The following ST6GALNAC3 variants were observed in gnomAD, a reference collection of about 807,000 sequenced individuals.
The protein encoded by ST6GALNAC3 is ST6 N-acetylgalactosaminide alpha-2,6-sialyltransferase 3.
ST6GALNAC3 carries 25 observed loss-of-function variants against 32.7 expected under a neutral mutation model. That is an observed-to-expected ratio of 0.76 (90% CI 0.56 to 1.07). The LOEUF (loss-of-function observed/expected upper bound fraction) is 1.07. Among genes scored for constraint, ST6GALNAC3 ranks in the 50% least tolerant of loss-of-function variants. The probability of loss-of-function intolerance (pLI) is 0.00; values close to 1 mark genes in which losing one functional copy is unlikely to be tolerated. For synonymous variants in ST6GALNAC3, 129 were observed against 133.1 expected, an observed-to-expected ratio of 0.97 and a Z score of 0.21; for missense variants, 355 against 382.4, an observed-to-expected ratio of 0.93 and a Z score of 0.60.
At chr1:76,403,297 T>C (rs1299337838) in intron 2 of ST6GALNAC3, among the ~76,000 whole-genome samples, 1 of 152,130 alleles carries the variant, frequency 6.6e-6, no homozygotes, top group East Asian at 1.9e-4. Flanking sequence ...ACTCTCCATT[T>C]GCTCTTCAAA....
intron 1 of ST6GALNAC3, among the ~76,000 whole-genome samples, chr1:76,243,813 G>A (rs1376921967): frequency 2.6e-5 from 4 of 151,244 alleles, no homozygotes; most frequent in East Asian, 1.9e-4. Context: ...TGGTCTATTC[G>A]ATTTGGTACC....
intron 2 of ST6GALNAC3, among the ~76,000 whole-genome samples, chr1:76,363,466 A>G (rs1190250537): frequency 2.0e-5 from 3 of 152,206 alleles, no homozygotes; most frequent in East Asian, 1.9e-4. Context: ...CAACAAGTCT[A>G]TCGGAAGTTC....
intron 2 of ST6GALNAC3, among the ~76,000 whole-genome samples, chr1:76,329,028 A>G (rs1647135708): frequency 6.6e-6 from 1 of 152,134 alleles, no homozygotes; most frequent in Non-Finnish European, 1.5e-5. Context: ...TTTTCATGAA[A>G]TAACCCACTC....
intron 3 of ST6GALNAC3, among the ~76,000 whole-genome samples, chr1:76,585,651 A>G (rs1432197515): frequency 6.6e-6 from 1 of 152,172 alleles, no homozygotes; most frequent in African/African-American, 2.4e-5. Context: ...CAGTATCTTC[A>G]TGTGGCAGAA....
At chr1:76,601,924 C>T (rs1647254613) in intron 3 of ST6GALNAC3, among the ~76,000 whole-genome samples, 1 of 152,082 alleles carries the variant, frequency 6.6e-6, no homozygotes, top group Non-Finnish European at 1.5e-5. Flanking sequence ...AATACTGGGT[C>T]CTGGATGGCG....
intron 1 of ST6GALNAC3, among the ~76,000 whole-genome samples, chr1:76,198,900 G>A (rs1424697382): frequency 1.3e-5 from 2 of 152,156 alleles, no homozygotes; most frequent in Non-Finnish European, 2.9e-5. Flanking sequence ...ATTAAGAAAG[G>A]CTCCACTGAA....
At chr1:76,169,373 C>G (rs768972605) in intron 1 of ST6GALNAC3, among the ~76,000 whole-genome samples, 2 of 152,108 alleles carry the variant, frequency 1.3e-5, no homozygotes, top group African/African-American at 2.4e-5. Context: ...CTCTAGCTAC[C>G]TTTAACATTT....
intron 1 of ST6GALNAC3, among the ~76,000 whole-genome samples, chr1:76,303,300 C>T (rs1660837424): frequency 6.6e-6 from 1 of 152,006 alleles, no homozygotes; most frequent in African/African-American, 2.4e-5. Flanking sequence ...GAGATACTTT[C>T]CATTTTCAAT....
chr1:76,489,102 T>C (rs1280531069), intron 3 of ST6GALNAC3, among the ~76,000 whole-genome samples: 1 of 152,200 alleles, frequency 6.6e-6, no homozygotes, highest in Non-Finnish European at 1.5e-5. Flanking sequence ...TGGAAAAAAG[T>C]AGTTGTTTAG....
intron 3 of ST6GALNAC3, among the ~76,000 whole-genome samples, chr1:76,502,948 G>A (rs1296449138): frequency 6.6e-6 from 1 of 152,168 alleles, no homozygotes; most frequent in African/African-American, 2.4e-5. Context: ...AGAGGTGTAG[G>A]ACTATTATAA....
chr1:76,630,497 T>C lies in ST6GALNAC3; in HGVS notation c.*1691T>C. Reference sequence around the variant, plus strand: ...AGGGTTGATTTGCTGCAAGAGTAGCTGAGAATTCAAAAACATCCTTGCAGA... The same window carrying C: ...AGGGTTGATTTGCTGCAAGAGTAGCCGAGAATTCAAAAACATCCTTGCAGA... On this transcript the variant is annotated 3_prime_UTR_variant, in exon 5 of 5. Transcript: ENST00000328299. 1 of 985,230 alleles carries C rather than the reference T, an allele frequency of 1.0e-6. No homozygotes were observed. The highest frequency in any genetic ancestry group is 1.2e-6 in the Non-Finnish European group (1 of 829,838). 61.0% of individuals were successfully genotyped at this position (985,230 alleles called of 1,614,324 possible). A position where few individuals can be genotyped will look rare whatever the true frequency, so the allele number is the denominator to read the frequency against.
intron 2 of ST6GALNAC3, among the ~76,000 whole-genome samples, chr1:76,353,085 C>T (rs965193070): frequency 6.6e-6 from 1 of 152,134 alleles, no homozygotes; most frequent in Admixed American, 6.5e-5. Flanking sequence ...TAGAATTACT[C>T]CACTCCCCTT....
At chr1:76,544,923 G>C (rs1168982620) in intron 3 of ST6GALNAC3, among the ~76,000 whole-genome samples, 1 of 152,180 alleles carries the variant, frequency 6.6e-6, no homozygotes. Flanking sequence ...CCACAAAGTA[G>C]AAAGAACATA....
intron 1 of ST6GALNAC3, among the ~76,000 whole-genome samples, chr1:76,266,518 C>A (rs1658535730): frequency 6.6e-6 from 1 of 152,176 alleles, no homozygotes; most frequent in South Asian, 2.1e-4. Context: ...ATAAAGGCTT[C>A]TGGAACAGCA....
chr1:76,165,698 A>G (rs1339369339), intron 1 of ST6GALNAC3, among the ~76,000 whole-genome samples: 1 of 152,156 alleles, frequency 6.6e-6, no homozygotes, highest in Non-Finnish European at 1.5e-5. Flanking sequence ...TGACTTTTTA[A>G]TAATAGACAT....
intron 3 of ST6GALNAC3, among the ~76,000 whole-genome samples, chr1:76,436,690 C>G (rs1197898791): frequency 6.6e-6 from 1 of 152,080 alleles, no homozygotes; most frequent in Admixed American, 6.5e-5. Context: ...TTAATTCTTA[C>G]AATAATTTTT....
At chr1:76,408,820 C>T (rs1377843210) in intron 2 of ST6GALNAC3, among the ~76,000 whole-genome samples, 1 of 151,990 alleles carries the variant, frequency 6.6e-6, no homozygotes, top group East Asian at 1.9e-4. Flanking sequence ...GCTTTTATTA[C>T]ACAACGAAGC....
chr1:76,574,756 G>A (rs1046531887), intron 3 of ST6GALNAC3, among the ~76,000 whole-genome samples: 3 of 152,078 alleles, frequency 2.0e-5, no homozygotes, highest in Middle Eastern at 3.2e-3. Context: ...AAAGGTGTCC[G>A]TAAAACTGAT....
chr1:76,253,489 A>G (rs1557729440), intron 1 of ST6GALNAC3, among the ~76,000 whole-genome samples: 1 of 152,166 alleles, frequency 6.6e-6, no homozygotes, highest in African/African-American at 2.4e-5. Context: ...CAAGATGGAA[A>G]GAGATTATGT....
Sources: gnomAD v4.1 joint callset for allele counts (sites outside exome capture counted in the v4.1 genomes callset) on GRCh38, gnomAD v4.1.1 for gene constraint, MANE v1.5 for transcripts, NCBI Gene and HGNC (gene_info 2026-07-23, HGNC 2026-07-21) for gene names.